The following FHAD1 variants were observed in gnomAD, a reference collection of about 807,000 sequenced individuals.
FHAD1 encodes the protein forkhead-associated domain-containing protein 1.
A neutral mutation model predicts 191.3 loss-of-function variants in FHAD1; 146 were observed. The ratio of observed to expected loss-of-function variants is 0.76; its 90% confidence interval spans 0.67 to 0.88. The LOEUF is 0.88. Ranked by LOEUF, FHAD1 falls within the 40% of genes least tolerant of loss-of-function variation. FHAD1 has a pLI of 0.00. For missense variants in FHAD1, 1,635 were observed against 1,785.8 expected, an observed-to-expected ratio of 0.92 and a Z score of 1.52; for synonymous variants, 616 against 672.3, an observed-to-expected ratio of 0.92 and a Z score of 1.29.
intron 1 of FHAD1, among the ~76,000 whole-genome samples, chr1:15,237,561 T>C (rs1031096777): frequency 8.5e-5 from 13 of 152,226 alleles, no homozygotes; most frequent in African/African-American, 2.9e-4. Flanking sequence ...TGGTGAGCAC[T>C]CGGCCCTTCT....
rs1391205987 is a variant in FHAD1, at chr1:15,342,355, C to T, written c.2130+467C>T. 1.1e-4 allele frequency among the ~76,000 whole-genome samples: 17 copies of T among 152,180 alleles called. 1 individual carries two copies. Among genetic ancestry groups the T allele is most frequent in the Admixed American group, 1.0e-3 (16 of 15,274 alleles). On this transcript the variant is annotated intron_variant, in intron 16 of 33. Transcript: ENST00000688493. ...AGAAGATAGCAGCATCTCTAAAACT[C>T]GAACGTGCCCATGAATTGTCTGGGG...
intron 28 of FHAD1, 72 bp downstream of exon 28, chr1:15,375,802 C>G: frequency 7.0e-7 from 1 of 1,419,406 alleles, no homozygotes; most frequent in East Asian, 2.5e-5. Context: ...ACACTAGCTT[C>G]GTTCCCTGGC....
intron 19 of FHAD1, among the ~76,000 whole-genome samples, chr1:15,351,241 A>G (rs1690746759): frequency 6.6e-6 from 1 of 152,172 alleles, no homozygotes; most frequent in Non-Finnish European, 1.5e-5. Context: ...GCTGCTCGGG[A>G]GGCTGAGGCA....
At chr1:15,242,933 T>C (rs949360329), upstream of FHAD1, among the ~76,000 whole-genome samples, 2 of 152,316 alleles carry the variant, frequency 1.3e-5, no homozygotes, top group African/African-American at 4.8e-5. Context: ...GATTGTTGTA[T>C]ACCCATTTTA....
chr1:15,385,809 A>G (rs931343892), intron 31 of FHAD1, among the ~76,000 whole-genome samples: 6 of 152,224 alleles, frequency 3.9e-5, no homozygotes, highest in African/African-American at 1.4e-4. Context: ...GTTCTATACT[A>G]ATACCTCTGG....
At chr1:15,240,522 T>A (rs1321277579) in intron 1 of FHAD1, among the ~76,000 whole-genome samples, 3 of 150,418 alleles carry the variant, frequency 2.0e-5, no homozygotes, top group South Asian at 2.1e-4. Flanking sequence ...TCCCAGCTAC[T>A]CAGGAGGCTG....
chr1:15,266,602 A>T (rs1022708533), intron 2 of FHAD1, among the ~76,000 whole-genome samples: 1 of 152,190 alleles, frequency 6.6e-6, no homozygotes. Flanking sequence ...TATTAACTCA[A>T]GCCCAGAGTT....
At chr1:15,302,484 G>A (rs543912068) in intron 6 of FHAD1, among the ~76,000 whole-genome samples, 3 of 152,264 alleles carry the variant, frequency 2.0e-5, no homozygotes, top group Non-Finnish European at 2.9e-5. Flanking sequence ...CCAGCGCTTC[G>A]GGAGGCTGAG....
At chr1:15,306,350 A>C (rs1670484455) in intron 6 of FHAD1, among the ~76,000 whole-genome samples, 1 of 152,242 alleles carries the variant, frequency 6.6e-6, no homozygotes, top group South Asian at 2.1e-4. Flanking sequence ...TAAATTCAGA[A>C]AATTTGCAGC....
In FHAD1 at chr1:15,397,619, G is replaced by A. The variant is rs1706418362; in HGVS notation, c.*206G>A. 1 of 364,432 alleles carries A rather than the reference G, an allele frequency of 2.7e-6. No individual in the cohort carries two copies. The highest frequency in any genetic ancestry group is 4.3e-5 in the Admixed American group (1 of 23,050). 22.6% of individuals were successfully genotyped at this position (364,432 alleles called of 1,614,324 possible). On this transcript the variant is annotated 3_prime_UTR_variant, in exon 34 of 34. Coordinates refer to ENST00000688493, the MANE Select transcript of FHAD1 (RefSeq NM_001391957.1). ...TTCTTCTTTAAAAATACCTATGAAT[G>A]TACACGAACTCAGGTATATGAAGAA...
chr1:15,323,373 C>T (rs982726660), intron 10 of FHAD1, among the ~76,000 whole-genome samples: 2 of 152,180 alleles, frequency 1.3e-5, no homozygotes, highest in African/African-American at 2.4e-5. Flanking sequence ...GAAAAACGTC[C>T]GCCGAAACAG....
intron 5 of FHAD1, among the ~76,000 whole-genome samples, chr1:15,298,017 C>G (rs1001762662): frequency 6.6e-6 from 1 of 152,142 alleles, no homozygotes; most frequent in Non-Finnish European, 1.5e-5. Flanking sequence ...ATCCGGCAAT[C>G]CCACCACTGG....
rs1674512133 is a variant in FHAD1, at chr1:15,316,519, C to A, written c.1260+52C>A. 6.8e-7 allele frequency: 1 copy of A among 1,477,346 alleles called. No individual in the cohort carries two copies. Among genetic ancestry groups the A allele is most frequent in the Non-Finnish European group, 9.2e-7 (1 of 1,081,680 alleles). 91.5% of individuals were successfully genotyped at this position (1,477,346 alleles called of 1,614,324 possible). ...TACCACCAGAAAAAACAGAGTTTGA[C>A]CTTGAGGTTCTTGGTGGGATCCTGG... On this transcript the variant is annotated intron_variant, in intron 9 of 33. Transcript: ENST00000688493. This position sits in a 1 kb window ranked among gnomAD's most constrained non-coding sequence, Gnocchi z 4.3.
At chr1:15,299,727 C>T (rs1172473281) in intron 5 of FHAD1, among the ~76,000 whole-genome samples, 2 of 152,224 alleles carry the variant, frequency 1.3e-5, no homozygotes, top group East Asian at 1.9e-4. Context: ...CCAGCACAAG[C>T]GTGGCACACA....
Position 15,312,977 on chromosome 1 carries a change from G to C in FHAD1, c.1040-80G>C, listed in dbSNP as rs543439064. 2.0e-6 allele frequency: 3 copies of C among 1,519,364 alleles called. No homozygotes were observed. Among genetic ancestry groups the C allele is most frequent in the Non-Finnish European group, 2.7e-6 (3 of 1,127,422 alleles). The allele number at this position is 1,519,364 out of a possible 1,614,324, so 94.1% of individuals were successfully genotyped here. Reference sequence around the variant, plus strand: ...CACCTCCCTTCTCAGTGCCAGGCTCGTCACAAACTGGTTGACAGCGGCAGC... The same window carrying C: ...CACCTCCCTTCTCAGTGCCAGGCTCCTCACAAACTGGTTGACAGCGGCAGC... On this transcript the variant is annotated intron_variant, in intron 7 of 33. Transcript: ENST00000688493. This position sits in a 1 kb window ranked among gnomAD's most constrained non-coding sequence, Gnocchi z 4.7.
At chr1:15,293,684 C>T (rs886225849) in intron 4 of FHAD1, among the ~76,000 whole-genome samples, 9 of 152,190 alleles carry the variant, frequency 5.9e-5, no homozygotes, top group Non-Finnish European at 1.0e-4. Flanking sequence ...TGCCACTGCA[C>T]TCCAGCCTGG....
Position 15,329,468 on chromosome 1 carries a change from C to A in FHAD1, c.1833C>A (p.His611Gln). 1.3e-6 allele frequency: 2 copies of A among 1,551,294 alleles called. No homozygotes were observed. Among genetic ancestry groups the A allele is most frequent in the Non-Finnish European group, 1.7e-6 (2 of 1,146,984 alleles). The part of the protein sequence containing the change: ...LQKVVLDVLR[H>Q]ALSWLEEVEQ... ...AGGTGGTGCTGGACGTCCTGAGGCA[C>A]GCGCTGTCCTGGCTGGAGGAGGTGG... The change falls in exon 14 of 34, where the codon CAC becomes CAA. Residue 611 changes from histidine (H) to glutamine (Q), a missense_variant. Transcript: ENST00000688493. This position sits in a 1 kb window ranked among gnomAD's most constrained non-coding sequence, Gnocchi z 5.0.
At chr1:15,395,371 T>C (rs2103188909) in intron 33 of FHAD1, among the ~76,000 whole-genome samples, 1 of 151,404 alleles carries the variant, frequency 6.6e-6, no homozygotes, top group African/African-American at 2.4e-5. Context: ...GTCTCTCTCG[T>C]GCATGCATGC....
chr1:15,395,170 C>T (rs1242966772), intron 33 of FHAD1, among the ~76,000 whole-genome samples: 7 of 151,894 alleles, frequency 4.6e-5, no homozygotes, highest in African/African-American at 1.2e-4. Context: ...AAAAATTAGC[C>T]GGGCATGCTG....
Sources: gnomAD v4.1 joint callset for allele counts (sites outside exome capture counted in the v4.1 genomes callset) on GRCh38, gnomAD v4.1.1 for gene constraint, Gnocchi (gnomAD v3.1) non-coding constraint, MANE v1.5 for transcripts, NCBI Gene and HGNC (gene_info 2026-07-23, HGNC 2026-07-21) for gene names.